ADGRG4: variants seen among roughly 807,000 people sequenced by gnomAD.
The protein encoded by ADGRG4 is G protein-coupled receptor 112.
In ADGRG4, 122 loss-of-function variants were observed where a neutral mutation model predicts 126.2. The observed-to-expected ratio is 0.97, with a 90% CI of 0.83 to 1.12. The LOEUF (loss-of-function observed/expected upper bound fraction) is 1.12. Among genes scored for constraint, ADGRG4 ranks in the 50% most tolerant of loss-of-function variants. The probability of loss-of-function intolerance (pLI) is 0.00; values close to 1 mark genes in which losing one functional copy is unlikely to be tolerated. For synonymous variants in ADGRG4, 943 were observed against 838.7 expected (o/e 1.12, Z -2.15); for missense variants, 2,481 against 2,251.8 (o/e 1.10, Z -2.06).
chrX:136,328,146 T>C (rs771860530), intron 5 of ADGRG4, among the ~76,000 whole-genome samples: 42 of 111,648 alleles, frequency 3.8e-4, no homozygotes, highest in Non-Finnish European at 7.2e-4. Context: ...CATTTTCATA[T>C]CAGAAAATAT....
chrX:136,402,582 G>GAA (rs1417617477), intron 21 of ADGRG4, among the ~76,000 whole-genome samples: 2 of 111,476 alleles, frequency 1.8e-5, no homozygotes, highest in Admixed American at 9.5e-5. Flanking sequence ...CTTAGTCTAG[G>GAA]AGAAATACAA....
intron 14 of ADGRG4, 64 bp from the exon 15 acceptor site, chrX:136,372,838 G>A (rs2075202777): frequency 9.2e-7 from 1 of 1,085,179 alleles, no homozygotes; most frequent in African/African-American, 1.8e-5. Context: ...AGGAAATCTT[G>A]CAAGGAGGAT....
chrX:136,411,455 C>G (rs1382233651), intron 23 of ADGRG4, among the ~76,000 whole-genome samples: 8 of 112,959 alleles, frequency 7.1e-5, no homozygotes, highest in African/African-American at 2.6e-4. Flanking sequence ...TTCCCTCCCC[C>G]TTGCAGGACA....
chrX:136,321,268 G>A (rs1428114604), intron 4 of ADGRG4, among the ~76,000 whole-genome samples: 1 of 111,822 alleles, frequency 8.9e-6, no homozygotes, highest in Non-Finnish European at 1.9e-5. Flanking sequence ...ATAACTCCCC[G>A]GCAGGTGGAT....
chrX:136,330,499 T>TA (rs2074902772), intron 5 of ADGRG4, among the ~76,000 whole-genome samples: 4 of 110,374 alleles, frequency 3.6e-5, no homozygotes, highest in Non-Finnish European at 7.6e-5. Context: ...ATGGATATGT[T>TA]ACAGTTTATT....
At chrX:136,316,729 A>G (rs1192806989) in intron 4 of ADGRG4, among the ~76,000 whole-genome samples, 5 of 111,837 alleles carry the variant, frequency 4.5e-5, no homozygotes, top group Admixed American at 3.8e-4. Context: ...CAGCCTCCCA[A>G]AGTGCTGGGA....
At chrX:136,301,362 T>C (rs1367076416) in intron 1 of ADGRG4, among the ~76,000 whole-genome samples, 1 of 112,656 alleles carries the variant, frequency 8.9e-6, no homozygotes, top group African/African-American at 3.2e-5. Flanking sequence ...TTTTCATGTG[T>C]CTTTTGGCTG....
chrX:136,375,005 C>G (rs1205542118), intron 15 of ADGRG4, among the ~76,000 whole-genome samples: 2 of 110,104 alleles, frequency 1.8e-5, no homozygotes, highest in East Asian at 5.7e-4. Context: ...ACTCTGTCCC[C>G]AATATGTAGT....
intron 4 of ADGRG4, among the ~76,000 whole-genome samples, chrX:136,311,665 C>T (rs2074772179): frequency 1.8e-5 from 2 of 110,217 alleles, no homozygotes; most frequent in African/African-American, 6.6e-5. Context: ...GCAGAGACGA[C>T]CTGACTAGGA....
chrX:136,335,091 C>T (rs2074940874), intron 5 of ADGRG4, among the ~76,000 whole-genome samples: 1 of 110,994 alleles, frequency 9.0e-6, no homozygotes, highest in African/African-American at 3.3e-5. Flanking sequence ...GAGATTGTAT[C>T]GTGAAGGGAT....
intron 5 of ADGRG4, among the ~76,000 whole-genome samples, chrX:136,343,041 C>A (rs926383707): frequency 9.2e-6 from 1 of 108,938 alleles, no homozygotes; most frequent in African/African-American, 3.4e-5. Flanking sequence ...GAGGCTACTG[C>A]AGTAGTCCAA....
In ADGRG4 at chrX:136,403,329, A is replaced by ACCAG. The variant is rs1425070827; in HGVS notation, c.8654+9_8654+12dup. 4.3e-6 allele frequency: 5 copies of ACCAG among 1,176,001 alleles called. No individual in the cohort carries two copies. Among genetic ancestry groups the ACCAG allele is most frequent in the Non-Finnish European group, 5.8e-6 (5 of 864,592 alleles). The stretch of plus-strand genomic sequence containing the variant: ...TGAGCCCAACAACTCCGTTGTAAGT[A>ACCAG]CCAGCATCTCTGTTTCTCTGGTGGT... On this transcript the variant is annotated splice_region_variant and intron_variant, in intron 22 of 25. Transcript: ENST00000394143.
rs564480592 is a variant in ADGRG4, at chrX:136,344,325, C to T, written c.686-67C>T. 2.0e-5 allele frequency: 13 copies of T among 637,181 alleles called. No homozygotes were observed. The South Asian group carries it at 3.5e-4, about 17-fold the overall frequency. 52.5% of individuals were successfully genotyped at this position (637,181 alleles called of 1,213,427 possible). A position where few individuals can be genotyped will look rare whatever the true frequency, so the allele number is the denominator to read the frequency against. The stretch of plus-strand genomic sequence containing the variant: ...TACAAAATGAAAAGAAATTATAGAG[C>T]TCTTTCTAGTTGTCTCTAATTTCCA... On this transcript the variant is annotated intron_variant, in intron 5 of 25. Coordinates refer to ENST00000394143, the MANE Select transcript of ADGRG4 (RefSeq NM_153834.4).
At chrX:136,340,138 A>G (rs1169972606) in intron 5 of ADGRG4, among the ~76,000 whole-genome samples, 4 of 111,942 alleles carry the variant, frequency 3.6e-5, no homozygotes, top group Non-Finnish European at 7.5e-5. Flanking sequence ...AAGAAAAACA[A>G]AAGTATGTAC....
intron 12 of ADGRG4, among the ~76,000 whole-genome samples, chrX:136,362,547 C>T (rs1471952225): frequency 1.8e-5 from 2 of 111,749 alleles, no homozygotes; most frequent in East Asian, 5.6e-4. Flanking sequence ...AAGTCCAAAC[C>T]CCTAAATATA....
chrX:136,388,548 A>G, intron 16 of ADGRG4, among the ~76,000 whole-genome samples: 1 of 112,121 alleles, frequency 8.9e-6, no homozygotes, highest in African/African-American at 3.2e-5. Context: ...CTATTGAAGG[A>G]TTAAAGGAAT....
intron 23 of ADGRG4, 83 bp downstream of exon 23, chrX:136,406,055 G>A: frequency 2.1e-6 from 2 of 941,107 alleles, no homozygotes; most frequent in Non-Finnish European, 2.9e-6. Flanking sequence ...ATCACCTGTT[G>A]GAAACATTAA....
intron 24 of ADGRG4, 126 bp downstream of exon 24, chrX:136,412,492 T>A (rs1168259660): frequency 5.2e-5 from 25 of 482,383 alleles, no homozygotes; most frequent in Non-Finnish European, 9.1e-5. Context: ...TTCCATGTCA[T>A]AAAAATGATT....
chrX:136,396,228 C>T (rs1034403022), intron 19 of ADGRG4, among the ~76,000 whole-genome samples: 1 of 109,202 alleles, frequency 9.2e-6, no homozygotes, highest in East Asian at 2.8e-4. Context: ...TTTCTCTACC[C>T]GCATCAGAAT....
Sources: allele counts gnomAD v4.1 joint callset (sites outside exome capture counted in the v4.1 genomes callset), GRCh38; gene constraint gnomAD v4.1.1; transcripts MANE v1.5; gene names NCBI Gene and HGNC (gene_info 2026-07-23, HGNC 2026-07-21).